The following PRKACG variants were observed in gnomAD, a reference collection of about 807,000 sequenced individuals.
PRKACG encodes the protein protein kinase cAMP-activated catalytic subunit gamma.
PRKACG carries 24 observed loss-of-function variants against 25.6 expected under a neutral mutation model. The observed-to-expected ratio is 0.94, with a 90% confidence interval of 0.68 to 1.32. The LOEUF (loss-of-function observed/expected upper bound fraction) is 1.32, where lower values mean the gene tolerates loss of function less well. Ranked by LOEUF, PRKACG falls within the 40% of genes most tolerant of loss-of-function variation. The pLI is 0.00. For synonymous variants in PRKACG, 202 were observed against 195.9 expected (o/e 1.03, Z -0.26); for missense variants, 481 against 462.9 (o/e 1.04, Z -0.36).
rs751416599 is a variant in PRKACG at position 69,013,559 on chromosome 9, C to T, written c.534G>A (p.Gln178=). 6.2e-7 allele frequency: 1 copy of T among 1,613,808 alleles called. No individual in the cohort carries two copies. Residue 178 remains glutamine (Q), a synonymous_variant, in exon 1 of 1, where the codon CAG becomes CAA. Coordinates refer to ENST00000377276, the MANE Select transcript of PRKACG (RefSeq NM_002732.4). Reference sequence around the variant, plus strand: ...CGAAGTCCGTCACCTGCAGGTAGCCCTGCTGGTCGATGAGGAGATTCTCGG... The same window carrying T: ...CGAAGTCCGTCACCTGCAGGTAGCCTTGCTGGTCGATGAGGAGATTCTCGG... ...LKPENLLIDQ[Q]GYLQVTDFGF...
rs1417435412 is a variant in PRKACG, at chr9:69,013,800, G to A, written c.293C>T (p.Ala98Val). The A allele has an allele frequency of 2.5e-6, 4 of 1,613,706 alleles. No individual in the cohort carries two copies. The highest frequency in any genetic ancestry group is 3.4e-6 in the Non-Finnish European group (4 of 1,179,986). Residue 98 changes from alanine to valine, a missense_variant, in exon 1 of 1, where the codon GCG becomes GTG. Physicochemically the swap from Ala to Val is moderately conservative, Grantham distance 64. Transcript: ENST00000377276. ...HILNEKRILQ[A>V]IDFPFLVKLQ... ...CTTGACGAGGAACGGAAAGTCGATC[G>A]CCTGCAGGATGCGCTTCTCGTTCAG...
Position 69,013,549 on chromosome 9 carries a change from G to A in PRKACG, c.544C>T (p.Gln182Ter). 1 of 1,613,968 alleles carries A rather than the reference G, an allele frequency of 6.2e-7. No individual in the cohort carries two copies. The highest frequency in any genetic ancestry group is 1.6e-4 in the Middle Eastern group (1 of 6,062). Residue 182 changes from glutamine (Q) to a stop codon, truncating the protein, a stop_gained, in exon 1 of 1, where the codon CAG becomes TAG. Coordinates refer to ENST00000377276, the MANE Select transcript of PRKACG (RefSeq NM_002732.4). LOFTEE classifies it high-confidence loss of function. ...TTGGCGAAACCGAAGTCCGTCACCT[G>A]CAGGTAGCCCTGCTGGTCGATGAGG... is the stretch of plus-strand genomic sequence containing the variant. Reference protein sequence around the residue: ...NLLIDQQGYLQVTDFGFAKRV... With the variant: ...NLLIDQQGYL
Position 69,012,841 on chromosome 9 carries a change from G to GC in PRKACG, c.*195_*196insG. On this transcript the variant is annotated 3_prime_UTR_variant, in exon 1 of 1. Transcript: ENST00000377276. ...CAGAGGGACCAGGAAGGCATGGGGG[G>GC]GGGTGAGGGAGCAGCTGGTGTTTCT... The GC allele has an allele frequency of 1.7e-6, 1 of 593,162 alleles. No individual in the cohort carries two copies. The highest frequency in any genetic ancestry group is 3.0e-6 in the Non-Finnish European group (1 of 338,464). 36.7% of individuals were successfully genotyped at this position (593,162 alleles called of 1,614,324 possible). A position where few individuals can be genotyped will look rare whatever the true frequency, so the allele number is the denominator to read the frequency against.
rs779824334 is a variant in PRKACG, at chr9:69,013,557, C to G, written c.536G>C (p.Gly179Ala). 19 of 1,613,770 alleles carry G rather than the reference C, an allele frequency of 1.2e-5. 1 individual carries two copies. In the South Asian group the frequency reaches 2.1e-4, roughly 18 times the overall value. ...KPENLLIDQQ[G>A]YLQVTDFGFA... ...ACCGAAGTCCGTCACCTGCAGGTAG[C>G]CCTGCTGGTCGATGAGGAGATTCTC... Residue 179 changes from glycine (G) to alanine (A), a missense_variant, in exon 1 of 1, where the codon GGC (glycine) becomes GCC (alanine). By Grantham distance (60) the Gly-to-Ala change is moderately conservative (BLOSUM62 0). Coordinates refer to ENST00000377276, the MANE Select transcript of PRKACG (RefSeq NM_002732.4).
Position 69,013,100 on chromosome 9 carries a change from G to C in PRKACG, c.993C>G (p.Tyr331Ter), listed in dbSNP as rs769889956. Reference protein sequence around the residue: ...GPGDASNFDDYEEEELRISIN... With the variant: ...GPGDASNFDD ...TGGAGATCCGGAGCTCTTCCTCCTC[G>C]TAGTCGTCAAAGTTACTGGCATCCC... The change falls in exon 1 of 1, where the codon TAC becomes TAG. Residue 331 changes from tyrosine (Y) to a stop codon, truncating the protein, a stop_gained. Transcript: ENST00000377276. LOFTEE classifies it high-confidence loss of function. 9 of 1,614,170 alleles carry C rather than the reference G, an allele frequency of 5.6e-6. No individual in the cohort carries two copies. The South Asian group carries it at 7.7e-5, about 14-fold the overall frequency.
In PRKACG at chr9:69,012,777, G is replaced by A; in HGVS notation, c.*260C>T. 2.0e-6 allele frequency: 1 copy of A among 490,874 alleles called. No individual in the cohort carries two copies. 30.4% of individuals were successfully genotyped at this position (490,874 alleles called of 1,614,324 possible). On this transcript the variant is annotated 3_prime_UTR_variant, in exon 1 of 1. Coordinates refer to ENST00000377276, the MANE Select transcript of PRKACG (RefSeq NM_002732.4). ...GTTTAAAACAGGCAGAAGGGGGCTG[G>A]GGCAAGGGGGACCCTGTGGGAGGAG... is the stretch of plus-strand genomic sequence containing the variant.
rs572159674 is a variant in PRKACG, at chr9:69,012,955, T to G, written c.*82A>C. ...AGATACAAGGAACTCTGGGGCCCTCTGGCTGTTCAATCCAACCCTCCCATC... is the reference window on the plus strand; with the variant it reads ...AGATACAAGGAACTCTGGGGCCCTCGGGCTGTTCAATCCAACCCTCCCATC... On this transcript the variant is annotated 3_prime_UTR_variant, in exon 1 of 1. Transcript: ENST00000377276. 4.2e-5 allele frequency: 59 copies of G among 1,397,566 alleles called. 2 individuals are homozygous for G. The South Asian group carries it at 7.4e-4, about 17-fold the overall frequency. The allele number at this position is 1,397,566 out of a possible 1,614,324, so 86.6% of individuals were successfully genotyped here.
Position 69,013,092 on chromosome 9 carries a change from T to C in PRKACG, c.1001A>G (p.Glu334Gly). 6.2e-7 allele frequency: 1 copy of C among 1,614,188 alleles called. No individual in the cohort carries two copies. The highest frequency in any genetic ancestry group is 1.1e-5 in the South Asian group (1 of 91,072). ...CTCATTGATGGAGATCCGGAGCTCT[T>C]CCTCCTCGTAGTCGTCAAAGTTACT... The part of the protein sequence containing the change: ...DASNFDDYEE[E>G]ELRISINEKC... Residue 334 changes from glutamate to glycine, a missense_variant, in exon 1 of 1, where the codon GAA (glutamate) becomes GGA (glycine). Transcript: ENST00000377276.
rs375307367 is a variant in PRKACG, at chr9:69,013,199, G to C, written c.894C>G (p.Phe298Leu). The change falls in exon 1 of 1, where the codon TTC becomes TTG. Residue 298 changes from phenylalanine (F) to leucine (L), a missense_variant. Transcript: ENST00000377276. ...AGATGGCGATCCAGCTGGTTGTGGC[G>C]AACCACTTGTGGTTCTTGATGTCGC... ...GVGDIKNHKW[F>L]ATTSWIAIYE... is the part of the protein sequence containing the mutation. 5.0e-6 allele frequency: 8 copies of C among 1,614,040 alleles called. No homozygotes were observed. The African/African-American group carries it at 1.1e-4, about 22-fold the overall frequency.
chr9:69,013,341 ATCT>A lies in PRKACG; in HGVS notation c.749_751del (p.Lys250del), dbSNP rs760040868. 2.5e-6 allele frequency: 4 copies of A among 1,613,988 alleles called. No homozygotes were observed. Among genetic ancestry groups the A allele is most frequent in the Middle Eastern group, 1.6e-4 (1 of 6,062 alleles). On this transcript the variant is annotated inframe_deletion, in exon 1 of 1. Coordinates refer to ENST00000377276, the MANE Select transcript of PRKACG (RefSeq NM_002732.4). ...GGGAAACCGCACCCTCCCAGAGACG[ATCT>A]TCTCGTAGATCTGGATGGGCTGGTC...
chr9:69,013,315 A>AAT lies in PRKACG; in HGVS notation c.777_778insAT (p.Ser260IlefsTer130). ...TGCTTGAGGTCAGAGCTGAGTTTGG[A>AAT]GGGAAACCGCACCCTCCCAGAGACG... On this transcript the variant is annotated frameshift_variant, in exon 1 of 1. Transcript: ENST00000377276. LOFTEE classifies it high-confidence loss of function. 1 of 1,614,044 alleles carries AAT rather than the reference A, an allele frequency of 6.2e-7. No individual in the cohort carries two copies. Among genetic ancestry groups the AAT allele is most frequent in the South Asian group, 1.1e-5 (1 of 91,072 alleles).
chr9:69,013,500 G>A lies in PRKACG; in HGVS notation c.593C>T (p.Thr198Ile). 2 of 1,614,072 alleles carry A rather than the reference G, an allele frequency of 1.2e-6. No individual in the cohort carries two copies. Among genetic ancestry groups the A allele is most frequent in the East Asian group, 2.2e-5 (1 of 44,858 alleles). Reference protein sequence around the residue: ...FAKRVKGRTWTLCGTPEYLAP... With the variant: ...FAKRVKGRTWILCGTPEYLAP... ...CAGGTACTCTGGGGTCCCGCACAAG[G>A]TCCAAGTGCGGCCCTTCACGCGCTT... Residue 198 changes from threonine to isoleucine, a missense_variant, in exon 1 of 1, where the codon ACC becomes ATC. Coordinates refer to ENST00000377276, the MANE Select transcript of PRKACG (RefSeq NM_002732.4).
chr9:69,013,121 AT>A lies in PRKACG; in HGVS notation c.971del (p.Asp324ValfsTer65), dbSNP rs1831291519. 6.2e-7 allele frequency: 1 copy of A among 1,614,064 alleles called. No individual in the cohort carries two copies. The highest frequency in any genetic ancestry group is 1.3e-5 in the African/African-American group (1 of 74,906). ...PFIPKYTGPG[D>X]ASNFDDYEEE... is the part of the protein sequence containing the mutation. ...CCTCGTAGTCGTCAAAGTTACTGGC[AT>A]CCCCAGGGCCTGTGTACTTCGGGAT... On this transcript the variant is annotated frameshift_variant, in exon 1 of 1. Coordinates refer to ENST00000377276, the MANE Select transcript of PRKACG (RefSeq NM_002732.4). LOFTEE classifies it high-confidence loss of function.
rs1564319985 is a variant in PRKACG at position 69,014,091 on chromosome 9, A to ATGGCGG, written c.-5_1dup (p.Phe1_?0). The ATGGCGG allele has an allele frequency of 7.7e-6, 12 of 1,563,966 alleles. No individual in the cohort carries two copies. Among genetic ancestry groups the ATGGCGG allele is most frequent in the Admixed American group, 7.0e-5 (4 of 57,510 alleles). On this transcript the variant is annotated start_lost and start_retained_variant, in exon 1 of 1. Transcript: ENST00000377276. ...GTCCTTCTTGGCGGGGGCGTTGCCC[A>ATGGCGG]TGGCGGTGGCGGCGGCAGGGGCGGG...
chr9:69,013,611 A>G lies in PRKACG; in HGVS notation c.482T>C (p.Leu161Pro), dbSNP rs1279403876. Reference protein sequence around the residue: ...VVLAVQYLHSLDLIHRDLKPE... With the variant: ...VVLAVQYLHSPDLIHRDLKPE... Reference sequence around the variant, plus strand: ...CTTCAGGTCGCGGTGGATGAGGTCGAGCGAGTGTAGGTACTGGACGGCCAG... The same window carrying G: ...CTTCAGGTCGCGGTGGATGAGGTCGGGCGAGTGTAGGTACTGGACGGCCAG... The change falls in exon 1 of 1, where the codon CTC (leucine) becomes CCC (proline). Residue 161 changes from leucine (L) to proline (P), a missense_variant. Leu to Pro is a moderately conservative substitution (Grantham distance 98, BLOSUM62 -3). Transcript: ENST00000377276. The G allele has an allele frequency of 1.9e-6, 3 of 1,613,180 alleles. No homozygotes were observed. Among genetic ancestry groups the G allele is most frequent in the African/African-American group, 1.3e-5 (1 of 74,952 alleles).
rs1831293414 is a variant in PRKACG, at chr9:69,013,265, C to T, written c.828G>A (p.Val276=). 1 of 1,614,024 alleles carries T rather than the reference C, an allele frequency of 6.2e-7. No individual in the cohort carries two copies. The highest frequency in any genetic ancestry group is 1.3e-5 in the African/African-American group (1 of 74,914). The part of the protein sequence containing the change: ...LKHLLRSLLQ[V]DLTKRFGNLR... ...GGTTTCCGAAGCGCTTGGTGAGGTC[C>T]ACCTGCAGCAGGCTCCGCAGCAGAT... The change falls in exon 1 of 1, where the codon GTG becomes GTA. Residue 276 remains valine, a synonymous_variant. Transcript: ENST00000377276.
Position 69,013,956 on chromosome 9 carries a change from C to G in PRKACG, c.137G>C (p.Arg46Pro), listed in dbSNP as rs558559267. Residue 46 changes from arginine to proline, a missense_variant, in exon 1 of 1, where the codon CGG becomes CCG. Physicochemically the swap from Arg to Pro is moderately radical, Grantham distance 103. Coordinates refer to ENST00000377276, the MANE Select transcript of PRKACG (RefSeq NM_002732.4). ...QNTASSDQFE[R>P]LRTLGMGSFG... is the part of the protein sequence containing the mutation. ...GGAGCCCATGCCCAGCGTCCTGAGC[C>G]GTTCGAACTGATCCGAGCTGGCGGT... 3.1e-6 allele frequency: 5 copies of G among 1,613,858 alleles called. No homozygotes were observed. The highest frequency in any genetic ancestry group is 4.5e-5 in the East Asian group (2 of 44,850).
rs772813620 is a variant in PRKACG, at chr9:69,013,739, G to T, written c.354C>A (p.Tyr118Ter). The T allele has an allele frequency of 2.5e-6, 4 of 1,614,062 alleles. No individual in the cohort carries two copies. Among genetic ancestry groups the T allele is most frequent in the Non-Finnish European group, 3.4e-6 (4 of 1,180,018 alleles). ...QFSFKDNSYL[Y>*]LVMEYVPGGE... The stretch of plus-strand genomic sequence containing the variant: ...CACCCGGCACGTACTCCATCACCAG[G>T]TACAGGTAGGAGTTGTCCTTAAAGG... The change falls in exon 1 of 1, where the codon TAC (tyrosine) becomes TAA (stop). Residue 118 changes from tyrosine to a stop codon, truncating the protein, a stop_gained. Transcript: ENST00000377276. LOFTEE classifies it high-confidence loss of function.
rs1435198190 is a variant in PRKACG at position 69,013,435 on chromosome 9, C to G, written c.658G>C (p.Val220Leu). ...AGCACCCCTAGGGCCCACCAGTCCA[C>G]GGCCTTGTTGTAGCCTTTGCTCAGG... ...IILSKGYNKA[V>L]DWWALGVLIY... Residue 220 changes from valine to leucine, a missense_variant, in exon 1 of 1, where the codon GTG (valine) becomes CTG (leucine). Coordinates refer to ENST00000377276, the MANE Select transcript of PRKACG (RefSeq NM_002732.4). 2 of 1,613,778 alleles carry G rather than the reference C, an allele frequency of 1.2e-6. No homozygotes were observed. Among genetic ancestry groups the G allele is most frequent in the East Asian group, 4.5e-5 (2 of 44,864 alleles).
Sources: allele counts gnomAD v4.1 joint callset, GRCh38; gene constraint gnomAD v4.1.1; transcripts MANE v1.5; gene names NCBI Gene and HGNC (gene_info 2026-07-23, HGNC 2026-07-21).